The following TNR variants were observed in gnomAD, a reference collection of about 807,000 sequenced individuals.
TNR encodes tenascin R.
TNR carries 45 observed loss-of-function variants against 150.4 expected under a neutral mutation model. The ratio of observed to expected loss-of-function variants is 0.30; its 90% CI spans 0.24 to 0.38. The LOEUF is 0.38. Among genes scored for constraint, TNR ranks in the 10% least tolerant of loss-of-function variants. The pLI is 1.00. For missense variants in TNR, 1,544 were observed against 1,759.1 expected (o/e 0.88, Z 2.19); for synonymous variants, 687 against 678.4 (o/e 1.01, Z -0.20).
intron 2 of TNR, among the ~76,000 whole-genome samples, chr1:175,483,537 G>C (rs189110536): frequency 6.6e-6 from 1 of 152,148 alleles, no homozygotes. Flanking sequence ...AAGAAAATGG[G>C]CACTGTGTAA....
At chr1:175,415,420 C>G (rs1213504333) in intron 2 of TNR, among the ~76,000 whole-genome samples, 1 of 152,192 alleles carries the variant, frequency 6.6e-6, no homozygotes, top group Non-Finnish European at 1.5e-5. Flanking sequence ...ATGGCTGGCC[C>G]AGAGCTGTCA....
chr1:175,437,456 C>T (rs1013671460), intron 2 of TNR, among the ~76,000 whole-genome samples: 2 of 152,122 alleles, frequency 1.3e-5, no homozygotes, highest in Non-Finnish European at 2.9e-5. Flanking sequence ...CCTAACATCA[C>T]AATTAAAAGA....
chr1:175,742,174 G>C (rs1371714400), intron 1 of TNR, among the ~76,000 whole-genome samples: 1 of 152,206 alleles, frequency 6.6e-6, no homozygotes, highest in Non-Finnish European at 1.5e-5. Context: ...ACTTCAGAGA[G>C]GCAGAAAGCA....
intron 1 of TNR, among the ~76,000 whole-genome samples, chr1:175,674,500 G>C (rs1341433819): frequency 6.6e-6 from 1 of 152,140 alleles, no homozygotes; most frequent in African/African-American, 2.4e-5. Flanking sequence ...TTCACTACAT[G>C]CACATGTGCA....
At chr1:175,648,406 C>T (rs1349581030) in intron 1 of TNR, among the ~76,000 whole-genome samples, 4 of 152,146 alleles carry the variant, frequency 2.6e-5, no homozygotes, top group African/African-American at 9.7e-5. Context: ...CCTCAGGCTA[C>T]CCAGTCAGTT....
Position 175,362,655 on chromosome 1 carries a change from A to T in TNR, c.2854+8T>A, listed in dbSNP as rs1281638963. On this transcript the variant is annotated splice_region_variant and intron_variant, in intron 14 of 22. Transcript: ENST00000367674. ...TTCTGACTTGACACAGCAGGGAGAC[A>T]TTCCCACCTGTGTGCACAAGAGTAC... is the stretch of plus-strand genomic sequence containing the variant. 6.2e-7 allele frequency: 1 copy of T among 1,612,744 alleles called. No individual in the cohort carries two copies. Among genetic ancestry groups the T allele is most frequent in the Non-Finnish European group, 8.5e-7 (1 of 1,178,916 alleles).
In TNR at chr1:175,663,754, G is replaced by A. The variant is rs367759127; in HGVS notation, c.-165+79472C>T. 3.1e-3 allele frequency among the ~76,000 whole-genome samples: 474 copies of A among 152,338 alleles called. 3 individuals carry two copies. Among genetic ancestry groups the A allele is most frequent in the African/African-American group, 0.011 (461 of 41,574 alleles). On this transcript the variant is annotated intron_variant, in intron 1 of 22. Coordinates refer to ENST00000367674, the MANE Select transcript of TNR (RefSeq NM_003285.3). ...TGTTTAGAAGAGAACAGCCAGGACG[G>A]CTGAGGATGGAGAACTGTGACTTAC...
chr1:175,330,580 C>T (rs1478726683), intron 20 of TNR: 1 of 192,744 alleles, frequency 5.2e-6, no homozygotes, highest in East Asian at 1.3e-4. Context: ...AAGAAAATTA[C>T]AAGAGGTATT....
intron 1 of TNR, among the ~76,000 whole-genome samples, chr1:175,583,835 T>C (rs1662463226): frequency 1.3e-5 from 2 of 152,198 alleles, no homozygotes; most frequent in African/African-American, 4.8e-5. Context: ...ATTACAGAAC[T>C]GATTGATCAA....
intron 1 of TNR, among the ~76,000 whole-genome samples, chr1:175,698,190 C>G (rs1161072706): frequency 6.6e-6 from 1 of 152,176 alleles, no homozygotes; most frequent in Non-Finnish European, 1.5e-5. Flanking sequence ...GTTAGGAAGA[C>G]AGACAACGAA....
chr1:175,731,519 C>T (rs951792520), intron 1 of TNR, among the ~76,000 whole-genome samples: 6 of 152,088 alleles, frequency 3.9e-5, no homozygotes, highest in Admixed American at 6.5e-5. Flanking sequence ...ATTAAGTGCC[C>T]GGAGTCCTAT....
At chr1:175,343,859 G>A (rs1363649953) in intron 18 of TNR, among the ~76,000 whole-genome samples, 1 of 152,222 alleles carries the variant, frequency 6.6e-6, no homozygotes, top group Non-Finnish European at 1.5e-5. Context: ...GTAAGGTCCT[G>A]CTGTAACATT....
At chr1:175,535,446 T>TA (rs1469938312) in intron 1 of TNR, among the ~76,000 whole-genome samples, 163 of 96,174 alleles carry the variant, frequency 1.7e-3, no homozygotes, top group African/African-American at 5.6e-3. Context: ...TTTATTTATT[T>TA]TTTGTTGTTG....
At chr1:175,397,219 C>T (rs1208196023) in intron 4 of TNR, among the ~76,000 whole-genome samples, 2 of 152,126 alleles carry the variant, frequency 1.3e-5, no homozygotes, top group Non-Finnish European at 2.9e-5. Context: ...ATTATGTGTA[C>T]CTTTAAGATA....
intron 1 of TNR, among the ~76,000 whole-genome samples, chr1:175,642,659 C>T (rs112264300): frequency 1.3e-5 from 2 of 152,220 alleles, no homozygotes; most frequent in African/African-American, 2.4e-5. Flanking sequence ...CAGCCTGCTG[C>T]GGTGTCTCAC....
At chr1:175,620,970 G>A (rs1663952943) in intron 1 of TNR, among the ~76,000 whole-genome samples, 1 of 152,216 alleles carries the variant, frequency 6.6e-6, no homozygotes, top group Non-Finnish European at 1.5e-5. Flanking sequence ...AGTGCTGAGA[G>A]CACTCTGAAT....
At chr1:175,351,893 C>T (rs1651070300) in intron 18 of TNR, among the ~76,000 whole-genome samples, 1 of 152,210 alleles carries the variant, frequency 6.6e-6, no homozygotes, top group Admixed American at 6.5e-5. Context: ...CTGTTTTCCC[C>T]TTTCTGAGCT....
intron 9 of TNR, among the ~76,000 whole-genome samples, chr1:175,367,774 CTCCTGGG>C (rs1651911553): frequency 6.6e-6 from 1 of 152,152 alleles, no homozygotes; most frequent in Non-Finnish European, 1.5e-5. Context: ...CATATGGGGA[CTCCTGGG>C]TCCCTTCTAG....
chr1:175,418,306 T>C (rs919614347), intron 2 of TNR, among the ~76,000 whole-genome samples: 4 of 152,148 alleles, frequency 2.6e-5, no homozygotes, highest in Admixed American at 6.5e-5. Flanking sequence ...GAACTTCTTC[T>C]GGGAGTCCAG....
Sources: allele counts gnomAD v4.1 joint callset (sites outside exome capture counted in the v4.1 genomes callset), GRCh38; gene constraint gnomAD v4.1.1; transcripts MANE v1.5; gene names NCBI Gene and HGNC (gene_info 2026-07-23, HGNC 2026-07-21).